The following DNAH3 variants were observed in gnomAD, a reference collection of about 807,000 sequenced individuals.
DNAH3 encodes axonemal beta dynein heavy chain 3.
DNAH3 carries 332 observed loss-of-function variants against 432.5 expected under a neutral mutation model. The ratio of observed to expected loss-of-function variants is 0.77; its 90% confidence interval spans 0.70 to 0.84. The LOEUF (loss-of-function observed/expected upper bound fraction) is 0.84, where lower values mean the gene tolerates loss of function less well. Among genes scored for constraint, DNAH3 ranks in the 40% least tolerant of loss-of-function variants. The probability of loss-of-function intolerance (pLI) is 0.00; values close to 1 mark genes in which losing one functional copy is unlikely to be tolerated. For missense variants in DNAH3, 4,861 were observed against 5,114.0 expected (o/e 0.95, Z 1.51); for synonymous variants, 1,956 against 1,900.2 (o/e 1.03, Z -0.76).
intron 57 of DNAH3, among the ~76,000 whole-genome samples, chr16:20,948,022 C>A (rs369542454): frequency 6.6e-6 from 1 of 152,086 alleles, no homozygotes; most frequent in South Asian, 2.1e-4. Context: ...GTGATCCACC[C>A]GCCTCAGCCT....
chr16:21,058,228 C>G, intron 26 of DNAH3, 32 bp from the exon 27 acceptor site: 1 of 1,355,380 alleles, frequency 7.4e-7, no homozygotes, highest in Non-Finnish European at 1.1e-6. Flanking sequence ...GTTATAGGAT[C>G]AGTTCACGTG....
intron 7 of DNAH3, among the ~76,000 whole-genome samples, chr16:21,133,943 C>T (rs181967959): frequency 6.6e-5 from 10 of 152,212 alleles, no homozygotes; most frequent in African/African-American, 1.7e-4. Context: ...AAAAGTGATG[C>T]GACCACATAT....
At chr16:21,147,967 G>GT (rs1306993047) in intron 1 of DNAH3, among the ~76,000 whole-genome samples, 1 of 152,180 alleles carries the variant, frequency 6.6e-6, no homozygotes, top group Admixed American at 6.5e-5. Flanking sequence ...TTTAAAGGTG[G>GT]TTTGAGGGAT....
intron 26 of DNAH3, among the ~76,000 whole-genome samples, chr16:21,059,440 T>A (rs1402565971): frequency 6.6e-6 from 1 of 152,154 alleles, no homozygotes; most frequent in Non-Finnish European, 1.5e-5. Flanking sequence ...TGTTGAGTAT[T>A]GCTTTGTTCT....
intron 25 of DNAH3, among the ~76,000 whole-genome samples, chr16:21,062,170 A>G (rs975438755): frequency 6.6e-6 from 1 of 152,038 alleles, no homozygotes; most frequent in African/African-American, 2.4e-5. Flanking sequence ...TTTCAACTGA[A>G]CTCTGCACAT....
chr16:21,035,745 A>ATGATT (rs2089136823), intron 35 of DNAH3, among the ~76,000 whole-genome samples: 2 of 152,198 alleles, frequency 1.3e-5, no homozygotes, highest in African/African-American at 4.8e-5. Context: ...ATTGGGGTTC[A>ATGATT]AAATTGGGTT....
At chr16:20,955,860 G>A (rs1016984191) in intron 54 of DNAH3, among the ~76,000 whole-genome samples, 1 of 151,822 alleles carries the variant, frequency 6.6e-6, no homozygotes, top group African/African-American at 2.4e-5. Flanking sequence ...ACCACCTATA[G>A]GTTAACATCT....
rs531297189 is a variant in DNAH3, at chr16:21,149,943, C to T, written c.118-3855G>A. On this transcript the variant is annotated intron_variant, in intron 1 of 61. Coordinates refer to ENST00000261383, the Ensembl canonical transcript of DNAH3. ...CAACACATTAAAAATACAGGTAAATCGGCCAGACACGGTGGCTCACACCTG... is the reference window on the plus strand; with the variant it reads ...CAACACATTAAAAATACAGGTAAATTGGCCAGACACGGTGGCTCACACCTG... 8.5e-5 allele frequency among the ~76,000 whole-genome samples: 13 copies of T among 152,166 alleles called. No homozygotes were observed. The South Asian group carries it at 2.5e-3, about 29-fold the overall frequency.
chr16:21,136,868 C>T (rs539862701), intron 5 of DNAH3, among the ~76,000 whole-genome samples: 1 of 152,218 alleles, frequency 6.6e-6, no homozygotes, highest in Admixed American at 6.5e-5. Flanking sequence ...GGTGTGGTGG[C>T]TTACACCTGT....
At chr16:21,115,725 TAAAATAAAATAAAATAAAATA>T (rs906126128) in intron 12 of DNAH3, among the ~76,000 whole-genome samples, 2 of 136,022 alleles carry the variant, frequency 1.5e-5, no homozygotes, top group Non-Finnish European at 1.6e-5. Context: ...ATAAAATAAA[TAAAATAAAATAAAATAAAATA>T]AAAATAAAAT....
At chr16:21,014,440 T>C (rs1044089120) in intron 41 of DNAH3, among the ~76,000 whole-genome samples, 2 of 152,116 alleles carry the variant, frequency 1.3e-5, no homozygotes, top group African/African-American at 4.8e-5. Context: ...AAACTAGTAA[T>C]AGAGGGAACT....
chr16:21,145,923 G>C (rs2092777179), intron 2 of DNAH3, 61 bp downstream of exon 3: 6 of 1,052,930 alleles, frequency 5.7e-6, no homozygotes, highest in Non-Finnish European at 9.0e-6. Flanking sequence ...ACGGAGAGAA[G>C]TGGGGGATGC....
At position 20,987,857 on chromosome 16, in the gene DNAH3, G is replaced by A. The variant is rs2086280864; in HGVS notation, c.6726-8C>T. On this transcript the variant is annotated splice_region_variant and splice_polypyrimidine_tract_variant and intron_variant, in intron 45 of 61. Coordinates refer to ENST00000261383, the Ensembl canonical transcript of DNAH3. ...ACCAGCATCTTTCCGTACCTTGGGA[G>A]GAAAGGGATGGCACAGTAGTCAAGG... 5.0e-6 allele frequency: 8 copies of A among 1,614,002 alleles called. No homozygotes were observed. Among genetic ancestry groups the A allele is most frequent in the Non-Finnish European group, 6.8e-6 (8 of 1,180,030 alleles).
At position 20,963,533 on chromosome 16, in the gene DNAH3, C is replaced by T. The variant is rs1464583719; in HGVS notation, c.10351G>A (p.Asp3451Asn). The change falls in exon 53 of 62, where the codon GAC becomes AAC. Residue 3451 changes from aspartate to asparagine, a missense_variant. By Grantham distance (23) the Asp-to-Asn change is conservative (BLOSUM62 1). Coordinates refer to ENST00000261383, the Ensembl canonical transcript of DNAH3. ...TGCTCCTCATGGGGCCAGGCCGAGT[C>T]ATAGATCAGCTTCCATTCACCCAGG... is the stretch of plus-strand genomic sequence containing the variant. 1.2e-6 allele frequency: 2 copies of T among 1,613,972 alleles called. No homozygotes were observed. The highest frequency in any genetic ancestry group is 1.3e-5 in the African/African-American group (1 of 75,006).
At chr16:20,977,493 TCAGA>T (rs57213145) in intron 50 of DNAH3, among the ~76,000 whole-genome samples, 30,002 of 152,130 alleles carry the variant, frequency 0.2, 3,324 homozygotes, top group South Asian at 0.29. Context: ...TTAAGGCAGC[TCAGA>T]CAAACAGGGT....
At chr16:21,127,789 C>T (rs2092472791) in exon 8 of DNAH3, 12 of 1,613,924 alleles carry the variant, frequency 7.4e-6, no homozygotes, top group South Asian at 1.1e-5. Flanking sequence ...TTCTGCTGTT[C>T]GAACAAACCT....
Position 21,067,312 on chromosome 16 carries a change from G to C in DNAH3, c.3489C>G (p.Tyr1163Ter). Residue 1163 changes from tyrosine (Y) to a stop codon, truncating the protein, a stop_gained, in exon 24 of 62, where the codon TAC becomes TAG. Coordinates refer to ENST00000261383, the Ensembl canonical transcript of DNAH3. LOFTEE classifies it high-confidence loss of function. ...GGAAGAATAGTCTCTTCTTCTCCAA[G>C]TAATCATTCAGCCCTTTCTGGATGT... 1 of 1,614,104 alleles carries C rather than the reference G, an allele frequency of 6.2e-7. No homozygotes were observed. The highest frequency in any genetic ancestry group is 1.1e-5 in the South Asian group (1 of 91,084).
chr16:21,056,064 C>T (rs1237858845), intron 27 of DNAH3, among the ~76,000 whole-genome samples: 2 of 152,180 alleles, frequency 1.3e-5, no homozygotes, highest in Admixed American at 6.5e-5. Context: ...ATAGCTGCCT[C>T]TTCAAGCTGT....
chr16:21,074,087 G>T (rs1396997386), intron 21 of DNAH3, among the ~76,000 whole-genome samples: 1 of 152,080 alleles, frequency 6.6e-6, no homozygotes. Flanking sequence ...TTTATTATAG[G>T]AGTATTGGCG....
Sources: allele counts gnomAD v4.1 joint callset (sites outside exome capture counted in the v4.1 genomes callset), GRCh38; gene constraint gnomAD v4.1.1; transcripts MANE v1.5; gene names NCBI Gene and HGNC (gene_info 2026-07-23, HGNC 2026-07-21).